GRM7: variants seen among roughly 807,000 people sequenced by gnomAD.
The protein encoded by GRM7 is glutamate metabotropic receptor 7, also known as metabotropic glutamate receptor 7.
GRM7 carries 35 observed loss-of-function variants against 84.5 expected under a neutral mutation model. The observed-to-expected ratio is 0.41, with a 90% CI of 0.32 to 0.55. The LOEUF is 0.55. Ranked by LOEUF, GRM7 falls within the 20% of genes least tolerant of loss-of-function variation. The pLI, the probability that GRM7 is intolerant of heterozygous loss-of-function variation, is 0.19. For missense variants in GRM7, 1,003 were observed against 1,194.6 expected (o/e 0.84, Z 2.36); for synonymous variants, 487 against 455.1 (o/e 1.07, Z -0.89).
chr3:7,634,382 T>C (rs1035915957), intron 8 of GRM7, among the ~76,000 whole-genome samples: 1 of 150,688 alleles, frequency 6.6e-6, no homozygotes, highest in Non-Finnish European at 1.5e-5. Context: ...TTGACAAGTG[T>C]TTTTCCCATT....
chr3:7,068,934 T>C (rs190854807), intron 1 of GRM7, among the ~76,000 whole-genome samples: 18 of 152,004 alleles, frequency 1.2e-4, no homozygotes, highest in African/African-American at 3.9e-4. Context: ...ATTTCTTTAC[T>C]TTTAGTTCTG....
intron 1 of GRM7, among the ~76,000 whole-genome samples, chr3:6,981,271 A>G (rs1694188786): frequency 6.6e-6 from 1 of 152,218 alleles, no homozygotes; most frequent in Non-Finnish European, 1.5e-5. Context: ...GAACTCTGTT[A>G]TAGTTACACG....
intron 4 of GRM7, among the ~76,000 whole-genome samples, chr3:7,400,298 C>G (rs1695395704): frequency 6.6e-6 from 1 of 152,150 alleles, no homozygotes; most frequent in African/African-American, 2.4e-5. Context: ...AGCAATGTCA[C>G]TCAACAAATA....
intron 2 of GRM7, among the ~76,000 whole-genome samples, chr3:7,287,422 C>G (rs1272754202): frequency 2.0e-5 from 3 of 152,124 alleles, no homozygotes; most frequent in Non-Finnish European, 4.4e-5. Flanking sequence ...ACTCTTTGCC[C>G]TCTATTGTTA....
intron 4 of GRM7, among the ~76,000 whole-genome samples, chr3:7,317,499 A>G (rs1700625326): frequency 6.6e-6 from 1 of 152,120 alleles, no homozygotes; most frequent in South Asian, 2.1e-4. Context: ...GTATTTTGCT[A>G]TCTTAACAGC....
rs966384450 is a variant in GRM7 at position 6,894,650 on chromosome 3, A to C, written c.519+32743A>C. Among the ~76,000 whole-genome samples, 4 of 152,154 alleles carry C rather than the reference A, an allele frequency of 2.6e-5. No homozygotes were observed. In the South Asian group the frequency reaches 8.3e-4, roughly 31 times the overall value. On this transcript the variant is annotated intron_variant, in intron 1 of 9. Transcript: ENST00000357716. ...TGTGCACACATATAAGTAAAATTTC[A>C]ACTTGCATCCTCAGAGCAGGTTTTG...
chr3:7,337,988 A>G (rs1229991659), intron 4 of GRM7, among the ~76,000 whole-genome samples: 1 of 151,974 alleles, frequency 6.6e-6, no homozygotes, highest in African/African-American at 2.4e-5. Context: ...TTGTAAAAAT[A>G]TGAAACCAGC....
chr3:7,270,203 G>A (rs189148214), intron 2 of GRM7, among the ~76,000 whole-genome samples: 281 of 152,274 alleles, frequency 1.8e-3, no homozygotes, highest in African/African-American at 6.4e-3. Context: ...CTTGAAGCAC[G>A]TCTGTGTTCT....
At chr3:7,445,585 C>T (rs2124879019) in intron 5 of GRM7, among the ~76,000 whole-genome samples, 1 of 152,244 alleles carries the variant, frequency 6.6e-6, no homozygotes, top group East Asian at 1.9e-4. Context: ...AATAGAGGCA[C>T]AGCAATACTG....
intron 2 of GRM7, among the ~76,000 whole-genome samples, chr3:7,252,448 C>G (rs1217252595): frequency 6.6e-6 from 1 of 152,152 alleles, no homozygotes; most frequent in African/African-American, 2.4e-5. Flanking sequence ...AGTTCTCCCC[C>G]TTTTCTGATG....
At chr3:7,467,894 A>T (rs894409129) in intron 7 of GRM7, among the ~76,000 whole-genome samples, 23 of 152,182 alleles carry the variant, frequency 1.5e-4, no homozygotes, top group African/African-American at 5.3e-4. Context: ...TTAAGCAGAA[A>T]TTTTTTAGAT....
At chr3:7,128,066 AATAT>A (rs1693460487) in intron 1 of GRM7, among the ~76,000 whole-genome samples, 2 of 151,460 alleles carry the variant, frequency 1.3e-5, no homozygotes, top group African/African-American at 4.8e-5. Flanking sequence ...TTCAAAATTA[AATAT>A]ATATGTATTA....
intron 4 of GRM7, among the ~76,000 whole-genome samples, chr3:7,351,339 G>GGA (rs1553564946): frequency 2.2e-5 from 1 of 45,894 alleles, no homozygotes; most frequent in African/African-American, 8.5e-5. Flanking sequence ...TCCCACAGGC[G>GGA]AAAAAAAAAA....
At chr3:7,135,959 A>T (rs907590059) in intron 1 of GRM7, among the ~76,000 whole-genome samples, 1 of 151,998 alleles carries the variant, frequency 6.6e-6, no homozygotes, top group Non-Finnish European at 1.5e-5. Flanking sequence ...CTTCAGTGAC[A>T]ATTATTGACA....
chr3:7,439,302 A>T (rs1315809427), intron 5 of GRM7, among the ~76,000 whole-genome samples: 1 of 152,128 alleles, frequency 6.6e-6, no homozygotes, highest in East Asian at 1.9e-4. Context: ...GGTCAGCAAT[A>T]TTTACTGTCT....
chr3:7,455,519 C>T (rs1448370619), intron 6 of GRM7, among the ~76,000 whole-genome samples: 2 of 152,148 alleles, frequency 1.3e-5, no homozygotes, highest in African/African-American at 4.8e-5. Context: ...GATACACTGG[C>T]ATGCTTACAG....
intron 2 of GRM7, among the ~76,000 whole-genome samples, chr3:7,254,764 T>G (rs1371532528): frequency 6.6e-6 from 1 of 152,218 alleles, no homozygotes; most frequent in Non-Finnish European, 1.5e-5. Context: ...TTAACTTCTC[T>G]GAGCTTCAGT....
chr3:7,432,166 T>C (rs1476735020), intron 5 of GRM7, among the ~76,000 whole-genome samples: 1 of 152,220 alleles, frequency 6.6e-6, no homozygotes, highest in South Asian at 2.1e-4. Context: ...AAGAAAAGAA[T>C]GTCTTCTTTA....
At chr3:7,466,184 G>C (rs1297341984) in intron 7 of GRM7, among the ~76,000 whole-genome samples, 2 of 152,156 alleles carry the variant, frequency 1.3e-5, no homozygotes, top group Non-Finnish European at 2.9e-5. Flanking sequence ...AGTGTGTCAG[G>C]AGAGGTGATA....
Sources: allele counts gnomAD v4.1 joint callset (sites outside exome capture counted in the v4.1 genomes callset), GRCh38; gene constraint gnomAD v4.1.1; transcripts MANE v1.5; gene names NCBI Gene and HGNC (gene_info 2026-07-23, HGNC 2026-07-21).